Variants in TLR3 observed in about 807,000 individuals in gnomAD.
TLR3 encodes the protein toll-like receptor 3.
Under a neutral mutation model 66.4 loss-of-function variants are expected in TLR3, and 43 were observed. The ratio of observed to expected loss-of-function variants is 0.65; its 90% CI spans 0.51 to 0.83. TLR3 has a LOEUF of 0.83. Ranked by LOEUF, TLR3 falls within the 40% of genes least tolerant of loss-of-function variation. TLR3 has a pLI of 0.00. For synonymous variants in TLR3, 397 were observed against 397.2 expected (o/e 1.00, Z 0.01); for missense variants, 982 against 1,044.6 (o/e 0.94, Z 0.83).
Position 186,079,038 on chromosome 4 carries a change from A to C in TLR3, c.633+7A>C. 1 of 1,610,132 alleles carries C rather than the reference A, an allele frequency of 6.2e-7. No individual in the cohort carries two copies. Among genetic ancestry groups the C allele is most frequent in the Non-Finnish European group, 8.5e-7 (1 of 1,177,354 alleles). ...ATCGAATCAAATTAAAGAGGTAAGA[A>C]GTAAGGTAAAATTATTTTGCATTCT... On this transcript the variant is annotated splice_region_variant and intron_variant, in intron 3 of 4. Coordinates refer to ENST00000296795, the MANE Select transcript of TLR3 (RefSeq NM_003265.3).
Position 186,083,154 on chromosome 4 carries a change from G to T in TLR3, c.1468G>T (p.Val490Leu), listed in dbSNP as rs757158320. 5.3e-5 allele frequency: 85 copies of T among 1,614,030 alleles called. 1 individual carries two copies. Among genetic ancestry groups the T allele is most frequent in the Admixed American group, 6.7e-5 (4 of 60,002 alleles). The change falls in exon 4 of 5, where the codon GTG becomes TTG. Residue 490 changes from valine (V) to leucine (L), a missense_variant. Around this residue, in one of 3 missense-constraint regions of TLR3, gnomAD observed 666 missense variants for 709.0 expected, o/e 0.94. Coordinates refer to ENST00000296795, the MANE Select transcript of TLR3 (RefSeq NM_003265.3). This position sits in a 1 kb window ranked among gnomAD's most constrained non-coding sequence, Gnocchi z 4.0. Reference sequence around the variant, plus strand: ...CCTTCAACGACTGATGCTCCGAAGGGTGGCCCTTAAAAATGTGGATAGCTC... The same window carrying T: ...CCTTCAACGACTGATGCTCCGAAGGTTGGCCCTTAAAAATGTGGATAGCTC... ...PSLQRLMLRR[V>L]ALKNVDSSPS...
rs184570644 is a variant in TLR3, at chr4:186,086,230, G to C, written c.*1357G>C. On this transcript the variant is annotated 3_prime_UTR_variant, in exon 5 of 5. Transcript: ENST00000296795. ...TACAATAAAAGAGAATCTGATTATT[G>C]GAAATAGACCTGAATAGCTTTTTGA... 1 of 152,254 alleles carries C rather than the reference G, an allele frequency of 6.6e-6. No homozygotes were observed. The highest frequency in any genetic ancestry group is 2.4e-5 in the African/African-American group (1 of 41,542). The allele number at this position is 152,254 out of a possible 1,614,324, so 9.4% of individuals were successfully genotyped here.
rs2099303965 is a variant in TLR3, at chr4:186,084,016, T to C, written c.2330T>C (p.Met777Thr). Reference protein sequence around the residue: ...KDWVWEHFSSMEKEDQSLKFC... With the variant: ...KDWVWEHFSSTEKEDQSLKFC... ...TGGGTCTGGGAACATTTCTCTTCAA[T>C]GGAAAAGGAAGACCAATCTCTCAAA... is the stretch of plus-strand genomic sequence containing the variant. Residue 777 changes from methionine (M) to threonine (T), a missense_variant, in exon 4 of 5, where the codon ATG (methionine) becomes ACG (threonine). Physicochemically the swap from Met to Thr is moderately conservative, Grantham distance 81 (BLOSUM62 -1). Around this residue, in one of 3 missense-constraint regions of TLR3, gnomAD observed 666 missense variants for 709.0 expected, o/e 0.94. Coordinates refer to ENST00000296795, the MANE Select transcript of TLR3 (RefSeq NM_003265.3). The C allele has an allele frequency of 2.5e-6, 4 of 1,614,052 alleles. No individual in the cohort carries two copies. In the South Asian group the frequency reaches 3.3e-5, roughly 13 times the overall value.
chr4:186,082,277 G>A (rs1179483040), intron 3 of TLR3, 43 bp from the exon 4 acceptor site: 1 of 1,148,316 alleles, frequency 8.7e-7, no homozygotes, highest in South Asian at 1.2e-5. Context: ...TACAGAGTCT[G>A]TGTTCTTTTG....
chr4:186,080,060 C>T (rs1486165051), intron 3 of TLR3, among the ~76,000 whole-genome samples: 1 of 152,158 alleles, frequency 6.6e-6, no homozygotes. Flanking sequence ...TTTGCTTTCT[C>T]TCGGTCCCGC....
intron 3 of TLR3, among the ~76,000 whole-genome samples, chr4:186,079,276 C>G (rs1221390768): frequency 6.6e-6 from 1 of 152,174 alleles, no homozygotes; most frequent in Non-Finnish European, 1.5e-5. Context: ...ACCTTGCGAA[C>G]ATCCTTAACA....
rs1229223752 is a variant in TLR3, at chr4:186,082,499, A to G, written c.813A>G (p.Leu271=). The G allele has an allele frequency of 6.2e-7, 1 of 1,614,072 alleles. No homozygotes were observed. The highest frequency in any genetic ancestry group is 8.5e-7 in the Non-Finnish European group (1 of 1,180,042). Residue 271 remains leucine, a synonymous_variant, in exon 4 of 5, where the codon CTA becomes CTG. Transcript: ENST00000296795. ...STTSNTTFLG[L]KWTNLTMLDL... ...CCAGCAATACAACTTTCTTGGGACT[A>G]AAGTGGACAAATCTCACTATGCTCG...
chr4:186,077,304 G>A (rs571856368), intron 2 of TLR3, among the ~76,000 whole-genome samples: 1 of 152,278 alleles, frequency 6.6e-6, no homozygotes, highest in South Asian at 2.1e-4. Context: ...TTAGACGCAA[G>A]AGATAGAAGT....
Position 186,083,599 on chromosome 4 carries a change from CTGAG to C in TLR3, c.1915_1918del (p.Glu639Ter). On this transcript the variant is annotated frameshift_variant, in exon 4 of 5. Coordinates refer to ENST00000296795, the MANE Select transcript of TLR3 (RefSeq NM_003265.3). LOFTEE classifies it high-confidence loss of function. The surrounding 1 kb of genome is among the most constrained non-coding windows in gnomAD (Gnocchi z 4.0). ...TTCGGGCCAGCTTTCAGGAACCTGA[CTGAG>C]TTAGATATGCGCTTTAATCCCTTTG... is the stretch of plus-strand genomic sequence containing the variant. 6.2e-7 allele frequency: 1 copy of C among 1,611,654 alleles called. No homozygotes were observed. The highest frequency in any genetic ancestry group is 8.5e-7 in the Non-Finnish European group (1 of 1,179,264).
Position 186,087,986 on chromosome 4 carries a change from T to C in TLR3, c.*3113T>C, listed in dbSNP as rs562047893. On this transcript the variant is annotated 3_prime_UTR_variant, in exon 5 of 5. Transcript: ENST00000296795. ...ACTATGTAAATTTACTGAAAGTCATTGAGTTGGACACTTAAAACAGGTGAA... is the reference window on the plus strand; with the variant it reads ...ACTATGTAAATTTACTGAAAGTCATCGAGTTGGACACTTAAAACAGGTGAA... 2 of 152,332 alleles carry C rather than the reference T, an allele frequency of 1.3e-5. No individual in the cohort carries two copies. Among genetic ancestry groups the C allele is most frequent in the South Asian group, 4.1e-4 (2 of 4,830 alleles). The allele number at this position is 152,332 out of a possible 1,614,324, so 9.4% of individuals were successfully genotyped here.
rs2099303597 is a variant in TLR3 at position 186,082,098 on chromosome 4, G to A, written c.634-222G>A. 21 of 554,078 alleles carry A rather than the reference G, an allele frequency of 3.8e-5. No homozygotes were observed. The South Asian group carries it at 4.4e-4, about 12-fold the overall frequency. 34.3% of individuals were successfully genotyped at this position (554,078 alleles called of 1,614,324 possible). On this transcript the variant is annotated intron_variant, in intron 3 of 4. Transcript: ENST00000296795. ...AACTTAGCTGGACGTGGTGGCGCAT[G>A]CCTGTAATCCCAGCTACTCGGGAGG...
Position 186,079,935 on chromosome 4 carries a change from G to C in TLR3, c.633+904G>C, listed in dbSNP as rs115688756. 9.2e-3 allele frequency among the ~76,000 whole-genome samples: 1,395 copies of C among 152,346 alleles called. 19 individuals are homozygous for C. The highest frequency in any genetic ancestry group is 0.032 in the African/African-American group (1,318 of 41,588). The stretch of plus-strand genomic sequence containing the variant: ...CTGCACTGACAGCGCCCAGGTTGCA[G>C]TGGGCTAACTCGCAGGGGCCTGGTG... On this transcript the variant is annotated intron_variant, in intron 3 of 4. Coordinates refer to ENST00000296795, the MANE Select transcript of TLR3 (RefSeq NM_003265.3).
intron 1 of TLR3, among the ~76,000 whole-genome samples, chr4:186,072,512 T>C (rs1444080806): frequency 6.6e-6 from 1 of 152,208 alleles, no homozygotes; most frequent in Non-Finnish European, 1.5e-5. Flanking sequence ...GGTTACACCA[T>C]GTTGGCCAGG....
At chr4:186,084,237 T>TGAGA in intron 4 of TLR3, 65 bp downstream of exon 4, 5 of 1,518,048 alleles carry the variant, frequency 3.3e-6, no homozygotes, top group South Asian at 1.2e-5. Context: ...TTTTTTTTTT[T>TGAGA]TGAGATGGAG....
At chr4:186,073,906 G>C (rs2099301963) in intron 1 of TLR3, among the ~76,000 whole-genome samples, 1 of 149,444 alleles carries the variant, frequency 6.7e-6, no homozygotes, top group Non-Finnish European at 1.5e-5. Context: ...TAATAGATGA[G>C]CAAAATATTT....
rs146927606 is a variant in TLR3 at position 186,076,151 on chromosome 4, T to A, written c.-7-462T>A. ...CCTGGTGACAGAGCCAGATTCCATC[T>A]CAAAAACAAAACAGAACAAAATAAA... On this transcript the variant is annotated intron_variant, in intron 1 of 4. Coordinates refer to ENST00000296795, the MANE Select transcript of TLR3 (RefSeq NM_003265.3). Among the ~76,000 whole-genome samples, 3 of 152,106 alleles carry A rather than the reference T, an allele frequency of 2.0e-5. No homozygotes were observed. In the East Asian group the frequency reaches 5.8e-4, roughly 29 times the overall value.
chr4:186,082,643 C>T lies in TLR3; in HGVS notation c.957C>T (p.His319=), dbSNP rs144596374. The T allele has an allele frequency of 2.7e-5, 43 of 1,613,758 alleles. No individual in the cohort carries two copies. Among genetic ancestry groups the T allele is most frequent in the Non-Finnish European group, 3.1e-5 (37 of 1,179,840 alleles). ...NIQHLFSHSL[H]GLFNVRYLNL... ...AGCATTTGTTTTCTCACTCTTTGCA[C>T]GGGCTTTTCAATGTGAGGTACCTGA... Residue 319 remains histidine (H), a synonymous_variant, in exon 4 of 5, where the codon CAC becomes CAT. Transcript: ENST00000296795.
Position 186,085,230 on chromosome 4 carries a change from T to A in TLR3, c.*357T>A. On this transcript the variant is annotated 3_prime_UTR_variant, in exon 5 of 5. Transcript: ENST00000296795. ...TGTGATGATCTTTTTGTATTTTGGATGCACTTAGAATGAAAGATAATTGTT... is the reference window on the plus strand; with the variant it reads ...TGTGATGATCTTTTTGTATTTTGGAAGCACTTAGAATGAAAGATAATTGTT... The A allele has an allele frequency of 4.1e-6, 1 of 246,644 alleles. No homozygotes were observed. The highest frequency in any genetic ancestry group is 1.0e-4 in the East Asian group (1 of 9,616). The allele number at this position is 246,644 out of a possible 1,614,324, so 15.3% of individuals were successfully genotyped here.
intron 1 of TLR3, among the ~76,000 whole-genome samples, chr4:186,074,698 GTAA>G (rs1279653062): frequency 6.6e-6 from 1 of 152,096 alleles, no homozygotes; most frequent in South Asian, 2.1e-4. Flanking sequence ...TTTGACTCGT[GTAA>G]TAATGCTTGG....
Sources: allele counts gnomAD v4.1 joint callset (sites outside exome capture counted in the v4.1 genomes callset), GRCh38; gene constraint gnomAD v4.1.1; regional missense constraint gnomAD v4.1.1; non-coding constraint Gnocchi (gnomAD v3.1); transcripts MANE v1.5; gene names NCBI Gene and HGNC (gene_info 2026-07-23, HGNC 2026-07-21).